Variants in ZFYVE9 observed in about 807,000 individuals in gnomAD.
ZFYVE9 encodes zinc finger FYVE domain-containing protein 9.
A neutral mutation model predicts 126.7 loss-of-function variants in ZFYVE9; 43 were observed. The ratio of observed to expected loss-of-function variants is 0.34; its 90% CI spans 0.27 to 0.44. The LOEUF is 0.44. Among genes scored for constraint, ZFYVE9 ranks in the 20% least tolerant of loss-of-function variants. The pLI is 1.00. For synonymous variants in ZFYVE9, 521 were observed against 597.4 expected (o/e 0.87, Z 1.87); for missense variants, 1,476 against 1,697.0 (o/e 0.87, Z 2.29).
chr1:52,196,885 A>G (rs1644865780), intron 1 of ZFYVE9, among the ~76,000 whole-genome samples: 1 of 152,096 alleles, frequency 6.6e-6, no homozygotes, highest in Non-Finnish European at 1.5e-5. Context: ...AAAAGTATAA[A>G]CTGGAGAGGT....
At chr1:52,168,214 CTT>C (rs139943554) in intron 1 of ZFYVE9, among the ~76,000 whole-genome samples, 67 of 115,012 alleles carry the variant, frequency 5.8e-4, no homozygotes, top group African/African-American at 2.0e-3. Flanking sequence ...TCTTCGTCTT[CTT>C]TTTTTTTTTT....
intron 1 of ZFYVE9, among the ~76,000 whole-genome samples, chr1:52,190,845 G>A (rs892045296): frequency 4.6e-5 from 7 of 152,160 alleles, no homozygotes; most frequent in Non-Finnish European, 8.8e-5. Context: ...ACTATTAATA[G>A]CATCTACTTT....
Position 52,305,010 on chromosome 1 carries a change from T to C in ZFYVE9, c.3438+1085T>C, listed in dbSNP as rs181531338. Among the ~76,000 whole-genome samples, 200 of 152,340 alleles carry C rather than the reference T, an allele frequency of 1.3e-3. 2 individuals are homozygous for C. Among genetic ancestry groups the C allele is most frequent in the Non-Finnish European group, 2.4e-3 (165 of 68,024 alleles). On this transcript the variant is annotated intron_variant, in intron 13 of 18. Transcript: ENST00000287727. ...GGCTGGAGTGCAGTAATGCAATCTT[T>C]CATGGCCTAAAGAATTTTAAAAGAG... is the stretch of plus-strand genomic sequence containing the variant.
chr1:52,324,475 GT>G (rs1436313279), intron 13 of ZFYVE9, among the ~76,000 whole-genome samples: 12 of 152,176 alleles, frequency 7.9e-5, no homozygotes, highest in Non-Finnish European at 1.3e-4. Flanking sequence ...CTTCAGCTCA[GT>G]GTTTCTTTCT....
At chr1:52,316,419 A>G (rs926185046) in intron 13 of ZFYVE9, among the ~76,000 whole-genome samples, 48 of 147,540 alleles carry the variant, frequency 3.3e-4, no homozygotes, top group African/African-American at 1.0e-3. Context: ...TGGGAGGTGG[A>G]GGTTGCACTG....
intron 13 of ZFYVE9, among the ~76,000 whole-genome samples, chr1:52,326,161 C>T (rs1466390511): frequency 2.6e-5 from 4 of 152,214 alleles, no homozygotes; most frequent in Non-Finnish European, 4.4e-5. Flanking sequence ...GTTGTTACAG[C>T]AGTTGTTTCT....
At position 52,238,062 on chromosome 1, in the gene ZFYVE9, A is replaced by G; in HGVS notation, c.645A>G (p.Pro215=). 4 of 1,614,054 alleles carry G rather than the reference A, an allele frequency of 2.5e-6. No individual in the cohort carries two copies. The highest frequency in any genetic ancestry group is 3.4e-6 in the Non-Finnish European group (4 of 1,179,946). ...TGAATTCAGAGAAACAAATGGATCC[A>G]TTGAATAGACCGAAAACAGAGGGGA... ...KDMNSEKQMD[P]LNRPKTEGRS... The change falls in exon 4 of 19, where the codon CCA becomes CCG. Residue 215 remains proline, a synonymous_variant. Coordinates refer to ENST00000287727, the MANE Select transcript of ZFYVE9 (RefSeq NM_004799.4).
chr1:52,172,856 C>A (rs1644586801), intron 1 of ZFYVE9, among the ~76,000 whole-genome samples: 1 of 151,846 alleles, frequency 6.6e-6, no homozygotes, highest in Non-Finnish European at 1.5e-5. Context: ...GATTTTGTAT[C>A]CTGAGACTTT....
chr1:52,175,735 C>T (rs1644620191), intron 1 of ZFYVE9, among the ~76,000 whole-genome samples: 1 of 152,176 alleles, frequency 6.6e-6, no homozygotes, highest in East Asian at 1.9e-4. Context: ...AACTTCCCTT[C>T]TTGCTTCATT....
intron 1 of ZFYVE9, among the ~76,000 whole-genome samples, chr1:52,168,214 CTTTTTT>C (rs139943554): frequency 3.5e-5 from 4 of 115,018 alleles, no homozygotes; most frequent in South Asian, 2.8e-4. Context: ...TCTTCGTCTT[CTTTTTT>C]TTTTTTTTTT....
intron 1 of ZFYVE9, among the ~76,000 whole-genome samples, chr1:52,176,509 G>C (rs1322676221): frequency 6.6e-6 from 1 of 152,188 alleles, no homozygotes; most frequent in Non-Finnish European, 1.5e-5. Context: ...GAGAACCACT[G>C]CTCTCTTCAA....
At chr1:52,315,893 T>C (rs1161000428) in intron 13 of ZFYVE9, among the ~76,000 whole-genome samples, 1 of 152,052 alleles carries the variant, frequency 6.6e-6, no homozygotes, top group Non-Finnish European at 1.5e-5. Flanking sequence ...GGGCTGGGCG[T>C]GATGGCTCAC....
intron 17 of ZFYVE9, among the ~76,000 whole-genome samples, chr1:52,342,600 A>G (rs918843684): frequency 2.0e-5 from 3 of 146,642 alleles, no homozygotes; most frequent in African/African-American, 7.7e-5. Context: ...CAATGGTGCA[A>G]TCTCGGCTGA....
At chr1:52,318,872 T>C (rs767292069) in intron 13 of ZFYVE9, among the ~76,000 whole-genome samples, 7 of 152,098 alleles carry the variant, frequency 4.6e-5, no homozygotes, top group Non-Finnish European at 1.0e-4. Context: ...CAAGGTGAGC[T>C]GATTGCTTGA....
intron 13 of ZFYVE9, among the ~76,000 whole-genome samples, chr1:52,321,384 AG>A (rs1341553289): frequency 1.3e-5 from 2 of 152,150 alleles, no homozygotes; most frequent in African/African-American, 4.8e-5. Context: ...GAATGAAAGG[AG>A]TTGGTCAAAG....
rs1645073090 is a variant in ZFYVE9 at position 52,216,455 on chromosome 1, A to T, written c.-56A>T. 1.0e-5 allele frequency: 4 copies of T among 398,400 alleles called. No homozygotes were observed. Among genetic ancestry groups the T allele is most frequent in the African/African-American group, 8.2e-5 (4 of 48,612 alleles). The allele number at this position is 398,400 out of a possible 1,614,324, so 24.7% of individuals were successfully genotyped here. A position where few individuals can be genotyped will look rare whatever the true frequency, so the allele number is the denominator to read the frequency against. On this transcript the variant is annotated 5_prime_UTR_variant, in exon 2 of 19. Transcript: ENST00000287727. Reference sequence around the variant, plus strand: ...AGCACCGAGAAGTCTGTTCCTTATCACGTGTGTAAGGGGAAAAAGGTAAGA... The same window carrying T: ...AGCACCGAGAAGTCTGTTCCTTATCTCGTGTGTAAGGGGAAAAAGGTAAGA...
intron 13 of ZFYVE9, among the ~76,000 whole-genome samples, chr1:52,324,732 C>T (rs1646274960): frequency 6.6e-6 from 1 of 152,208 alleles, no homozygotes; most frequent in African/African-American, 2.4e-5. Context: ...TTCCCTGTAT[C>T]CTTGTAGTTG....
Position 52,344,865 on chromosome 1 carries a change from C to T in ZFYVE9, c.4037C>T (p.Ala1346Val), listed in dbSNP as rs1646470070. 2 of 1,614,206 alleles carry T rather than the reference C, an allele frequency of 1.2e-6. No individual in the cohort carries two copies. The highest frequency in any genetic ancestry group is 1.7e-6 in the Non-Finnish European group (2 of 1,180,036). ...CATGTTGCCAAAGCTTTTTGCCTTG[C>T]TCTCTGTCCTCACCTGAAACTTCTG... The part of the protein sequence containing the change: ...TEHVAKAFCL[A>V]LCPHLKLLKE... Residue 1346 changes from alanine to valine, a missense_variant, in exon 18 of 19, where the codon GCT becomes GTT. Around this residue, in one of 2 missense-constraint regions of ZFYVE9, gnomAD observed 669 missense variants for 902.4 expected, o/e 0.74. Coordinates refer to ENST00000287727, the MANE Select transcript of ZFYVE9 (RefSeq NM_004799.4).
In ZFYVE9 at chr1:52,238,960, T is replaced by C. The variant is rs1291478437; in HGVS notation, c.1543T>C (p.Cys515Arg). 6 of 1,614,112 alleles carry C rather than the reference T, an allele frequency of 3.7e-6. No individual in the cohort carries two copies. The highest frequency in any genetic ancestry group is 2.2e-5 in the South Asian group (2 of 91,084). Residue 515 changes from cysteine to arginine, a missense_variant, in exon 4 of 19, where the codon TGC (cysteine) becomes CGC (arginine). This residue lies in a region of ZFYVE9 where 807 missense variants were observed against 794.6 expected (regional missense o/e 1.02). Transcript: ENST00000287727. ...AGAAATAGAGGAAAGCAAGTCAGAA[T>C]GCTACTCAAATATTTATGAACAGAG... ...EKEIEESKSE[C>R]YSNIYEQRGN...
Sources: allele counts gnomAD v4.1 joint callset (sites outside exome capture counted in the v4.1 genomes callset), GRCh38; gene constraint gnomAD v4.1.1; regional missense constraint gnomAD v4.1.1; transcripts MANE v1.5; gene names NCBI Gene and HGNC (gene_info 2026-07-23, HGNC 2026-07-21).